The following GAPVD1 variants were observed in gnomAD, a reference collection of about 807,000 sequenced individuals.
The protein encoded by GAPVD1 is GTPase-activating protein and VPS9 domain-containing protein 1.
Under a neutral mutation model 155.5 loss-of-function variants are expected in GAPVD1, and 35 were observed. The ratio of observed to expected loss-of-function variants is 0.23; its 90% CI spans 0.17 to 0.30. The LOEUF is 0.30. Among genes scored for constraint, GAPVD1 ranks in the 10% least tolerant of loss-of-function variants. The pLI, the probability that GAPVD1 is intolerant of heterozygous loss-of-function variation, is 1.00. For synonymous variants in GAPVD1, 636 were observed against 619.7 expected (o/e 1.03, Z -0.39); for missense variants, 1,429 against 1,775.7 (o/e 0.80, Z 3.51).
chr9:125,297,531 G>C (rs1339897376), intron 3 of GAPVD1, among the ~76,000 whole-genome samples: 2 of 152,196 alleles, frequency 1.3e-5, no homozygotes, highest in Non-Finnish European at 2.9e-5. Flanking sequence ...GTCAGCAAAT[G>C]TGGACACTTT....
rs202152814 is a variant in GAPVD1 at position 125,297,434 on chromosome 9, GT to G, written c.-32-1454del. 4.1e-3 allele frequency among the ~76,000 whole-genome samples: 632 copies of G among 152,320 alleles called. 5 individuals are homozygous for G. Among genetic ancestry groups the G allele is most frequent in the Middle Eastern group, 0.01 (3 of 294 alleles). ...AGTTATATTTTCTATTTTAGAAGGAGTTGTCTGAGAAGGCCTTTCTAAATAC... is the reference window on the plus strand; with the variant it reads ...AGTTATATTTTCTATTTTAGAAGGAGTGTCTGAGAAGGCCTTTCTAAATAC... On this transcript the variant is annotated intron_variant, in intron 3 of 27. Transcript: ENST00000297933.
intron 25 of GAPVD1, among the ~76,000 whole-genome samples, chr9:125,356,411 C>T (rs1304446254): frequency 6.6e-6 from 1 of 152,178 alleles, no homozygotes; most frequent in Non-Finnish European, 1.5e-5. Context: ...GCCAGTAATA[C>T]CCCACCAGTT....
At chr9:125,341,067 A>C (rs969334383) in intron 17 of GAPVD1, 110 bp from the exon 18 acceptor site, 18 of 718,440 alleles carry the variant, frequency 2.5e-5, no homozygotes, top group Non-Finnish European at 4.1e-5. Flanking sequence ...CCTGGGCAAC[A>C]GAATGAGATC....
At chr9:125,262,824 C>T (rs1234030804) in intron 1 of GAPVD1, among the ~76,000 whole-genome samples, 1 of 152,126 alleles carries the variant, frequency 6.6e-6, no homozygotes, top group East Asian at 1.9e-4. Context: ...CTTATTATTT[C>T]CTTCAGTTAC....
At chr9:125,332,844 A>T (rs1846282070) in intron 15 of GAPVD1, among the ~76,000 whole-genome samples, 1 of 152,218 alleles carries the variant, frequency 6.6e-6, no homozygotes, top group South Asian at 2.1e-4. Flanking sequence ...CCATGTGTAG[A>T]GAAAGTCCTT....
At chr9:125,344,807 T>TAA (rs1189792717) in intron 19 of GAPVD1, among the ~76,000 whole-genome samples, 3 of 134,162 alleles carry the variant, frequency 2.2e-5, no homozygotes, top group African/African-American at 2.7e-5. Context: ...TTGTTTCTAT[T>TAA]AAAAAAAAAA....
intron 24 of GAPVD1, among the ~76,000 whole-genome samples, chr9:125,355,262 C>T (rs1033528380): frequency 1.3e-5 from 2 of 152,020 alleles, no homozygotes; most frequent in African/African-American, 2.4e-5. Context: ...CGTGCCACCA[C>T]GCCCAGCTAA....
intron 20 of GAPVD1, among the ~76,000 whole-genome samples, chr9:125,347,964 CCTCTAT>C: frequency 6.6e-6 from 1 of 152,146 alleles, no homozygotes; most frequent in African/African-American, 2.4e-5. Flanking sequence ...GTTCATCTAC[CCTCTAT>C]CTAGACTTAT....
intron 9 of GAPVD1, among the ~76,000 whole-genome samples, chr9:125,320,160 G>A (rs1245478304): frequency 6.6e-6 from 1 of 152,098 alleles, no homozygotes; most frequent in African/African-American, 2.4e-5. Flanking sequence ...TTGTAAGTGA[G>A]GGTACTATTC....
At chr9:125,338,969 T>G (rs574780554) in intron 17 of GAPVD1, among the ~76,000 whole-genome samples, 2 of 148,734 alleles carry the variant, frequency 1.3e-5, no homozygotes, top group East Asian at 2.1e-4. Flanking sequence ...ATATATATTT[T>G]TTGTTGTTGT....
intron 3 of GAPVD1, among the ~76,000 whole-genome samples, 200 bp from the exon 4 acceptor site, chr9:125,298,690 A>G (rs1349632590): frequency 6.6e-6 from 1 of 151,764 alleles, no homozygotes; most frequent in Non-Finnish European, 1.5e-5. Context: ...GGGTTTCACC[A>G]TGTTGGCCAG....
intron 2 of GAPVD1, among the ~76,000 whole-genome samples, chr9:125,283,152 C>T (rs978072676): frequency 2.6e-5 from 4 of 151,564 alleles, no homozygotes; most frequent in Non-Finnish European, 5.9e-5. Context: ...CTCCGCCTCC[C>T]AGGTTCAAGC....
intron 4 of GAPVD1, 23 bp from the exon 5 acceptor site, chr9:125,301,960 G>GTT: frequency 7.6e-7 from 1 of 1,309,194 alleles, no homozygotes; most frequent in Admixed American, 2.3e-5. Flanking sequence ...TTGCTTGTTT[G>GTT]CTCTTTTTTT....
chr9:125,290,876 C>T (rs1838475753), intron 2 of GAPVD1, among the ~76,000 whole-genome samples: 1 of 151,414 alleles, frequency 6.6e-6, no homozygotes, highest in Non-Finnish European at 1.5e-5. Flanking sequence ...TGCCTGTGGT[C>T]CCAGCCTCTG....
At chr9:125,329,160 G>C (rs1709644769) in intron 12 of GAPVD1, among the ~76,000 whole-genome samples, 1 of 152,154 alleles carries the variant, frequency 6.6e-6, no homozygotes, top group Non-Finnish European at 1.5e-5. Flanking sequence ...TTCTTAATTG[G>C]TTTTACATTA....
intron 11 of GAPVD1, among the ~76,000 whole-genome samples, chr9:125,324,619 T>C (rs1358942126): frequency 6.6e-6 from 1 of 152,058 alleles, no homozygotes. Context: ...GAAAGTTTAT[T>C]GGAAGAAAAT....
In GAPVD1 at chr9:125,302,471, G is replaced by T; in HGVS notation, c.674G>T (p.Arg225Met). The change falls in exon 5 of 28, where the codon AGG becomes ATG. Residue 225 changes from arginine to methionine, a missense_variant. Coordinates refer to ENST00000297933, the MANE Select transcript of GAPVD1 (RefSeq NM_001282680.3). The part of the protein sequence containing the change: ...LETDPNKLIE[R>M]FSPSQQEKLF... ...ACAGATCCAAACAAGCTAATTGAGA[G>T]GTTCTCTCCATCTCAGCAGGAAAAA... 2 of 1,613,550 alleles carry T rather than the reference G, an allele frequency of 1.2e-6. No homozygotes were observed. Among genetic ancestry groups the T allele is most frequent in the Non-Finnish European group, 1.7e-6 (2 of 1,179,814 alleles).
chr9:125,302,700 G>A lies in GAPVD1; in HGVS notation c.903G>A (p.Glu301=). 1 of 1,612,360 alleles carries A rather than the reference G, an allele frequency of 6.2e-7. No individual in the cohort carries two copies. Among genetic ancestry groups the A allele is most frequent in the Admixed American group, 1.7e-5 (1 of 59,808 alleles). ...LSCVDRLEVG[E]VRAMCTDLLL... ...GTGTAGATAGGCTGGAAGTTGGGGA[G>A]GTCAGGGCAATGTGTACTGATCTCC... The change falls in exon 5 of 28, where the codon GAG becomes GAA. Residue 301 remains glutamate, a synonymous_variant. Transcript: ENST00000297933.
intron 1 of GAPVD1, among the ~76,000 whole-genome samples, chr9:125,262,230 G>A (rs961377157): frequency 3.3e-5 from 5 of 152,196 alleles, no homozygotes; most frequent in African/African-American, 1.2e-4. Context: ...GGGATGGGAA[G>A]GGACAGGAGG....
Sources: allele counts gnomAD v4.1 joint callset (sites outside exome capture counted in the v4.1 genomes callset), GRCh38; gene constraint gnomAD v4.1.1; transcripts MANE v1.5; gene names NCBI Gene and HGNC (gene_info 2026-07-23, HGNC 2026-07-21).